Variants in FIBCD1 observed in about 807,000 individuals in gnomAD.
FIBCD1 encodes fibrinogen C domain-containing protein 1.
FIBCD1 carries 47 observed loss-of-function variants against 45.1 expected under a neutral mutation model. The observed-to-expected ratio is 1.04, with a 90% CI of 0.82 to 1.33. The LOEUF is 1.33. Among genes scored for constraint, FIBCD1 ranks in the 40% most tolerant of loss-of-function variants. The pLI is 0.00. For synonymous variants in FIBCD1, 313 were observed against 308.1 expected, an observed-to-expected ratio of 1.02 and a Z score of -0.17; for missense variants, 653 against 682.2, an observed-to-expected ratio of 0.96 and a Z score of 0.48.
chr9:130,921,074 G>A (rs1261531982), intron 4 of FIBCD1, among the ~76,000 whole-genome samples: 1 of 152,208 alleles, frequency 6.6e-6, no homozygotes, highest in Non-Finnish European at 1.5e-5. Flanking sequence ...GGGGTGGGGG[G>A]CAGGGGTGTA....
chr9:130,930,383 T>C (rs1326423131), intron 1 of FIBCD1, among the ~76,000 whole-genome samples: 3 of 103,788 alleles, frequency 2.9e-5, no homozygotes, highest in Non-Finnish European at 6.1e-5. Context: ...CGCAGGGAGA[T>C]GCGGGGAGAC....
chr9:130,908,307 G>A (rs189246934), intron 5 of FIBCD1, among the ~76,000 whole-genome samples: 264 of 152,340 alleles, frequency 1.7e-3, no homozygotes, highest in South Asian at 6.4e-3. Flanking sequence ...ATGCTGGAAT[G>A]AGGACCTGCT....
chr9:130,937,478 C>T (rs1415280148), intron 1 of FIBCD1, among the ~76,000 whole-genome samples: 1 of 152,160 alleles, frequency 6.6e-6, no homozygotes, highest in Non-Finnish European at 1.5e-5. Context: ...AGGGCTGGGC[C>T]CTTGTGCCAC....
chr9:130,927,184 A>C (rs1324604071), intron 2 of FIBCD1, among the ~76,000 whole-genome samples: 1 of 152,034 alleles, frequency 6.6e-6, no homozygotes, highest in African/African-American at 2.4e-5. Flanking sequence ...TGGAGGTTGC[A>C]GTAAGCCCTG....
Position 130,911,743 on chromosome 9 carries a change from G to T in FIBCD1, c.946+49C>A, listed in dbSNP as rs1020793575. ...AGCTGGGACCCAACTGTGTCCGGAAGGCAGGGGGAGGAGGCCCACCTGGGC... is the reference window on the plus strand; with the variant it reads ...AGCTGGGACCCAACTGTGTCCGGAATGCAGGGGGAGGAGGCCCACCTGGGC... On this transcript the variant is annotated intron_variant, in intron 5 of 6. Coordinates refer to ENST00000372338, the MANE Select transcript of FIBCD1 (RefSeq NM_032843.5). 5.9e-6 allele frequency: 9 copies of T among 1,520,432 alleles called. No individual in the cohort carries two copies. In the Admixed American group the frequency reaches 1.7e-4, roughly 29 times the overall value. 94.2% of individuals were successfully genotyped at this position (1,520,432 alleles called of 1,614,324 possible). A position where few individuals can be genotyped will look rare whatever the true frequency, so the allele number is the denominator to read the frequency against.
intron 5 of FIBCD1, among the ~76,000 whole-genome samples, 158 bp from the exon 6 acceptor site, chr9:130,905,571 C>G (rs1831913318): frequency 6.6e-6 from 1 of 152,250 alleles, no homozygotes; most frequent in Non-Finnish European, 1.5e-5. Flanking sequence ...CTTCTTCCTG[C>G]AGGCCTGTGT....
rs1239315005 is a variant in FIBCD1, at chr9:130,923,840, T to C, written c.753A>G (p.Gly251=). 1 of 1,612,716 alleles carries C rather than the reference T, an allele frequency of 6.2e-7. No individual in the cohort carries two copies. Among genetic ancestry groups the C allele is most frequent in the East Asian group, 2.2e-5 (1 of 44,878 alleles). ...CAGAGTAGACGCCATCGTCCTGCTGTCCGCTTAGGAGGACGTCCAGACAGT... is the reference window on the plus strand; with the variant it reads ...CAGAGTAGACGCCATCGTCCTGCTGCCCGCTTAGGAGGACGTCCAGACAGT... The part of the protein sequence containing the change: ...PRDCLDVLLS[G]QQDDGVYSVF... Residue 251 remains glycine, a synonymous_variant, in exon 4 of 7, where the codon GGA becomes GGG. Coordinates refer to ENST00000372338, the MANE Select transcript of FIBCD1 (RefSeq NM_032843.5).
chr9:130,923,283 A>C (rs1832292689), intron 4 of FIBCD1, among the ~76,000 whole-genome samples: 1 of 152,204 alleles, frequency 6.6e-6, no homozygotes, highest in African/African-American at 2.4e-5. Context: ...AGCACTTGTC[A>C]GCCCATAGCT....
In FIBCD1 at chr9:130,911,819, C is replaced by G; in HGVS notation, c.919G>C (p.Gly307Arg). Residue 307 changes from glycine to arginine, a missense_variant, in exon 5 of 7, where the codon GGC (glycine) becomes CGC (arginine). By Grantham distance (125) the Gly-to-Arg change is moderately radical (BLOSUM62 -2). Transcript: ENST00000372338. ...RGWDAYRDGF[G>R]RLTGEHWLGL... ...AGCCAGTGCTCCCCGGTGAGCCTGC[C>G]AAAGCCGTCTCGGTACGCATCCCAG... 4 of 1,604,508 alleles carry G rather than the reference C, an allele frequency of 2.5e-6. No homozygotes were observed. The highest frequency in any genetic ancestry group is 1.7e-4 in the Middle Eastern group (1 of 5,992).
intron 4 of FIBCD1, among the ~76,000 whole-genome samples, chr9:130,920,098 C>T (rs1218571922): frequency 6.6e-6 from 1 of 152,186 alleles, no homozygotes; most frequent in Admixed American, 6.5e-5. Context: ...AAGAGGGCCG[C>T]CCCACTGGAC....
chr9:130,926,327 GA>G lies in FIBCD1; in HGVS notation c.553-1932del, dbSNP rs1210680325. Among the ~76,000 whole-genome samples, 3 of 152,224 alleles carry G rather than the reference GA, an allele frequency of 2.0e-5. 1 individual carries two copies. Among genetic ancestry groups the G allele is most frequent in the Non-Finnish European group, 4.4e-5 (3 of 68,036 alleles). On this transcript the variant is annotated intron_variant, in intron 2 of 6. Coordinates refer to ENST00000372338, the MANE Select transcript of FIBCD1 (RefSeq NM_032843.5). The surrounding 1 kb of genome is among the most constrained non-coding windows in gnomAD (Gnocchi z 4.1). ...TTTAAACCAGCAGATGATTAAAGTTGAAAATGTACATATAAACATGCCCCGA... is the reference window on the plus strand; with the variant it reads ...TTTAAACCAGCAGATGATTAAAGTTGAAATGTACATATAAACATGCCCCGA...
At chr9:130,930,099 G>A in intron 1 of FIBCD1, 53 bp from the exon 2 acceptor site, 1 of 1,472,712 alleles carries the variant, frequency 6.8e-7, no homozygotes, top group South Asian at 1.4e-5. Context: ...GGAGAGAGAA[G>A]GGGCCAGCAT....
At chr9:130,905,184 T>C in intron 6 of FIBCD1, 50 bp downstream of exon 6, 1 of 1,564,514 alleles carries the variant, frequency 6.4e-7, no homozygotes, top group Non-Finnish European at 8.7e-7. Flanking sequence ...CCGTCCTCCA[T>C]CCTCCCAGGC....
At chr9:130,931,616 G>C (rs1389863594) in intron 1 of FIBCD1, among the ~76,000 whole-genome samples, 2 of 152,246 alleles carry the variant, frequency 1.3e-5, no homozygotes, top group Admixed American at 1.3e-4. Context: ...TGTGGTGAGC[G>C]GAGGTGCCAG....
rs2133117958 is a variant in FIBCD1 at position 130,929,867 on chromosome 9, C to T, written c.252G>A (p.Arg84=). The T allele has an allele frequency of 6.5e-7, 1 of 1,549,770 alleles. No individual in the cohort carries two copies. Among genetic ancestry groups the T allele is most frequent in the East Asian group, 2.4e-5 (1 of 40,910 alleles). The change falls in exon 2 of 7, where the codon AGG becomes AGA. Residue 84 remains arginine, a synonymous_variant. Coordinates refer to ENST00000372338, the MANE Select transcript of FIBCD1 (RefSeq NM_032843.5). ...SANSALVTVE[R]ADSSHLSILI... is the part of the protein sequence containing the mutation. ...GGATGCTGAGGTGCGAGCTGTCCGC[C>T]CTTTCCACAGTGACCAGGGCGCTGT...
intron 4 of FIBCD1, among the ~76,000 whole-genome samples, chr9:130,914,533 A>G (rs918651759): frequency 6.6e-6 from 1 of 152,226 alleles, no homozygotes; most frequent in African/African-American, 2.4e-5. Context: ...GAAGTAGGCC[A>G]CAGTGCGGGT....
intron 1 of FIBCD1, among the ~76,000 whole-genome samples, chr9:130,935,491 A>G (rs1302353006): frequency 6.6e-6 from 1 of 152,236 alleles, no homozygotes; most frequent in African/African-American, 2.4e-5. Flanking sequence ...CAACTTGTCC[A>G]AGGTCGCCCG....
Position 130,929,859 on chromosome 9 carries a change from C to G in FIBCD1, c.260G>C (p.Ser87Thr). ...GTCAATGAGGATGCTGAGGTGCGAG[C>G]TGTCCGCCCTTTCCACAGTGACCAG... ...SALVTVERAD[S>T]SHLSILIDPR... Residue 87 changes from serine to threonine, a missense_variant, in exon 2 of 7, where the codon AGC (serine) becomes ACC (threonine). Transcript: ENST00000372338. 1.3e-6 allele frequency: 2 copies of G among 1,549,750 alleles called. No individual in the cohort carries two copies. The highest frequency in any genetic ancestry group is 1.7e-6 in the Non-Finnish European group (2 of 1,146,654).
chr9:130,938,240 G>A, intron 1 of FIBCD1: 1 of 340,422 alleles, frequency 2.9e-6, no homozygotes, highest in Non-Finnish European at 5.4e-6. Context: ...CGAACTGTAA[G>A]TCCCCGCCTC....
Sources: allele counts gnomAD v4.1 joint callset (sites outside exome capture counted in the v4.1 genomes callset), GRCh38; gene constraint gnomAD v4.1.1; non-coding constraint Gnocchi (gnomAD v3.1); transcripts MANE v1.5; gene names NCBI Gene and HGNC (gene_info 2026-07-23, HGNC 2026-07-21).